The following CPEB3 variants were observed in gnomAD, a reference collection of about 807,000 sequenced individuals.
CPEB3 encodes cytoplasmic polyadenylation element binding protein 3.
In CPEB3, 20 loss-of-function variants were observed where a neutral mutation model predicts 67.2. The observed-to-expected ratio is 0.30, with a 90% CI of 0.21 to 0.43. The LOEUF (loss-of-function observed/expected upper bound fraction) is 0.43, where lower values mean the gene tolerates loss of function less well. Among genes scored for constraint, CPEB3 ranks in the 20% least tolerant of loss-of-function variants. The pLI is 1.00. For synonymous variants in CPEB3, 376 were observed against 393.1 expected (o/e 0.96, Z 0.51); for missense variants, 746 against 968.6 (o/e 0.77, Z 3.05).
intron 1 of CPEB3, among the ~76,000 whole-genome samples, chr10:92,282,500 C>G (rs759704891): frequency 6.6e-6 from 1 of 151,748 alleles, no homozygotes. Flanking sequence ...CCAGCCTGAC[C>G]AACATGGTAA....
At chr10:92,229,298 T>C (rs55732480) in intron 2 of CPEB3, among the ~76,000 whole-genome samples, 19,620 of 152,140 alleles carry the variant, frequency 0.13, 1,423 homozygotes, top group Middle Eastern at 0.2. Flanking sequence ...CCCCGCAAAG[T>C]GCTACAAATA....
chr10:92,246,948 A>G (rs1852097308), intron 1 of CPEB3, among the ~76,000 whole-genome samples: 1 of 152,210 alleles, frequency 6.6e-6, no homozygotes. Flanking sequence ...ATGGACAAAA[A>G]TAAACTTTGG....
At chr10:92,122,908 A>T (rs1482571627) in intron 6 of CPEB3, among the ~76,000 whole-genome samples, 1 of 152,222 alleles carries the variant, frequency 6.6e-6, no homozygotes, top group Admixed American at 6.5e-5. Flanking sequence ...AAGTGCACGG[A>T]TTCCTAAACA....
rs147413603 is a variant in CPEB3 at position 92,239,959 on chromosome 10, T to C, written c.392A>G (p.Asn131Ser). 4.1e-5 allele frequency: 66 copies of C among 1,613,192 alleles called. No homozygotes were observed. The African/African-American group carries it at 6.9e-4, about 17-fold the overall frequency. The change falls in exon 2 of 10, where the codon AAC becomes AGC. Residue 131 changes from asparagine (N) to serine (S), a missense_variant. Physicochemically the swap from Asn to Ser is conservative, Grantham distance 46. Transcript: ENST00000265997. This position sits in a 1 kb window ranked among gnomAD's most constrained non-coding sequence, Gnocchi z 6.0. Reference sequence around the variant, plus strand: ...GAAGTTCTGGAAGAGCATGGTCCCGTTGACTGGGGTGATCCCCTGGAAGAA... The same window carrying C: ...GAAGTTCTGGAAGAGCATGGTCCCGCTGACTGGGGTGATCCCCTGGAAGAA... ...DSFFQGITPV[N>S]GTMLFQNFPH...
intron 4 of CPEB3, among the ~76,000 whole-genome samples, chr10:92,166,412 A>G (rs1295206804): frequency 1.3e-5 from 2 of 152,096 alleles, no homozygotes; most frequent in Non-Finnish European, 2.9e-5. Flanking sequence ...CCTGGCCTAC[A>G]AAATGTATTT....
At chr10:92,188,461 C>A (rs557769033) in intron 3 of CPEB3, among the ~76,000 whole-genome samples, 3 of 151,824 alleles carry the variant, frequency 2.0e-5, no homozygotes, top group Non-Finnish European at 4.4e-5. Context: ...GTGGCTCATG[C>A]CTGTAATCCC....
intron 6 of CPEB3, among the ~76,000 whole-genome samples, chr10:92,117,787 C>T (rs2133569800): frequency 6.6e-6 from 1 of 152,032 alleles, no homozygotes; most frequent in African/African-American, 2.4e-5. Context: ...TTATCAACAA[C>T]TCTACTACCA....
In CPEB3 at chr10:92,074,483, T is replaced by C. The variant is rs182253567; in HGVS notation, c.1869+6837A>G. Among the ~76,000 whole-genome samples, 710 of 152,318 alleles carry C rather than the reference T, an allele frequency of 4.7e-3. 8 individuals carry two copies. Among genetic ancestry groups the C allele is most frequent in the Middle Eastern group, 0.031 (9 of 294 alleles). On this transcript the variant is annotated intron_variant, in intron 9 of 9. Coordinates refer to ENST00000265997, the MANE Select transcript of CPEB3 (RefSeq NM_014912.5). Reference sequence around the variant, plus strand: ...ACAAATGAATGGTAGACATGTATTATGACAACAATCTATTGGGGACGTATA... The same window carrying C: ...ACAAATGAATGGTAGACATGTATTACGACAACAATCTATTGGGGACGTATA...
intron 4 of CPEB3, among the ~76,000 whole-genome samples, chr10:92,162,827 G>T (rs1237824475): frequency 2.0e-5 from 3 of 152,158 alleles, no homozygotes; most frequent in Non-Finnish European, 4.4e-5. Context: ...GGAAGGGCAT[G>T]TTATGCTCTG....
intron 6 of CPEB3, among the ~76,000 whole-genome samples, chr10:92,134,677 T>C (rs1846003828): frequency 6.6e-6 from 1 of 151,786 alleles, no homozygotes; most frequent in Admixed American, 6.6e-5. Flanking sequence ...AAAGTTCATA[T>C]GGAAACAAAA....
intron 3 of CPEB3, among the ~76,000 whole-genome samples, chr10:92,187,543 G>A (rs4531371): frequency 2.0e-5 from 3 of 152,122 alleles, no homozygotes; most frequent in South Asian, 4.1e-4. Flanking sequence ...TAGGGTATAC[G>A]ATCTTACTTC....
chr10:92,166,822 T>C (rs1203283888), intron 4 of CPEB3, among the ~76,000 whole-genome samples: 8 of 152,228 alleles, frequency 5.3e-5, no homozygotes, highest in Admixed American at 5.2e-4. Context: ...AGGCACTGAC[T>C]TCTCCTCTCT....
At chr10:92,185,584 T>C (rs1053285894) in intron 3 of CPEB3, among the ~76,000 whole-genome samples, 7 of 152,342 alleles carry the variant, frequency 4.6e-5, no homozygotes, top group Middle Eastern at 3.4e-3. Flanking sequence ...TCATAATTGA[T>C]TACGAAAGTC....
chr10:92,086,404 G>C lies in CPEB3; in HGVS notation c.1688-4903C>G, dbSNP rs77441683. Among the ~76,000 whole-genome samples the C allele has an allele frequency of 3.9e-5, 6 of 152,360 alleles. No individual in the cohort carries two copies. In the East Asian group the frequency reaches 1.2e-3, roughly 29 times the overall value. ...GGGAAGTTAAGAATATTTTCAAATA[G>C]ATGGTATGAACAATGAATTAAATCA... On this transcript the variant is annotated intron_variant, in intron 8 of 9. Transcript: ENST00000265997.
intron 4 of CPEB3, among the ~76,000 whole-genome samples, chr10:92,150,626 C>A (rs1419557952): frequency 6.6e-6 from 1 of 152,180 alleles, no homozygotes; most frequent in African/African-American, 2.4e-5. Flanking sequence ...AACAAATCAT[C>A]CCTGAGAAGT....
intron 2 of CPEB3, chr10:92,216,835 T>C (rs896198853): frequency 1.3e-6 from 2 of 1,586,220 alleles, no homozygotes; most frequent in Non-Finnish European, 1.7e-6. Context: ...TGGAAGCTAC[T>C]GGGCTGACGG....
chr10:92,246,358 C>T (rs1181677559), intron 1 of CPEB3, among the ~76,000 whole-genome samples: 1 of 150,768 alleles, frequency 6.6e-6, no homozygotes, highest in African/African-American at 2.4e-5. Context: ...AAACGAAAAA[C>T]AAAAAAATAA....
At chr10:92,152,975 C>T (rs562892834) in intron 4 of CPEB3, among the ~76,000 whole-genome samples, 1 of 152,140 alleles carries the variant, frequency 6.6e-6, no homozygotes, top group South Asian at 2.1e-4. Flanking sequence ...TTCTTTTGGC[C>T]CCTCCCAGAT....
intron 1 of CPEB3, among the ~76,000 whole-genome samples, chr10:92,268,216 C>G (rs766376648): frequency 6.6e-6 from 1 of 152,164 alleles, no homozygotes; most frequent in African/African-American, 2.4e-5. Context: ...GAACTTTTGA[C>G]AGATATTTTT....
Sources: allele counts gnomAD v4.1 joint callset (sites outside exome capture counted in the v4.1 genomes callset), GRCh38; gene constraint gnomAD v4.1.1; non-coding constraint Gnocchi (gnomAD v3.1); transcripts MANE v1.5; gene names NCBI Gene and HGNC (gene_info 2026-07-23, HGNC 2026-07-21).